The following SLC22A15 variants were observed in gnomAD, a reference collection of about 807,000 sequenced individuals.
SLC22A15 encodes solute carrier family 22 member 15.
In SLC22A15, 45 loss-of-function variants were observed where a neutral mutation model predicts 62.7. That is an observed-to-expected ratio of 0.72 (90% confidence interval 0.56 to 0.92). The LOEUF is 0.92. SLC22A15 is among the 40% of genes least tolerant of loss of function. The probability of loss-of-function intolerance (pLI) is 0.00; values close to 1 mark genes in which losing one functional copy is unlikely to be tolerated. For synonymous variants in SLC22A15, 264 were observed against 267.0 expected (o/e 0.99, Z 0.11); for missense variants, 622 against 665.6 (o/e 0.93, Z 0.72).
chr1:116,001,822 A>T (rs1232087118), intron 2 of SLC22A15, among the ~76,000 whole-genome samples: 1 of 152,074 alleles, frequency 6.6e-6, no homozygotes, highest in Non-Finnish European at 1.5e-5. Flanking sequence ...GTCACTCCAG[A>T]ATTGGTCACT....
intron 8 of SLC22A15, among the ~76,000 whole-genome samples, chr1:116,051,225 T>C (rs79329087): frequency 3.9e-5 from 6 of 152,136 alleles, no homozygotes; most frequent in Admixed American, 3.9e-4. Context: ...CTAAAATTCA[T>C]ATGGAACCAA....
At chr1:115,987,792 T>C (rs548959724) in intron 1 of SLC22A15, among the ~76,000 whole-genome samples, 8 of 152,294 alleles carry the variant, frequency 5.3e-5, no homozygotes, top group Admixed American at 5.2e-4. Context: ...CAAAGTTAAG[T>C]GGTTCTCGTT....
chr1:116,006,571 C>A (rs565716173), intron 2 of SLC22A15, among the ~76,000 whole-genome samples: 1 of 152,260 alleles, frequency 6.6e-6, no homozygotes, highest in African/African-American at 2.4e-5. Context: ...CTTCCTGTTA[C>A]CTAAATCTTA....
chr1:116,014,598 A>G (rs1024200708), intron 2 of SLC22A15, among the ~76,000 whole-genome samples: 4 of 152,200 alleles, frequency 2.6e-5, no homozygotes, highest in African/African-American at 9.7e-5. Flanking sequence ...TGATTTTTCA[A>G]TTTGAAGTAC....
At chr1:116,060,142 G>A (rs1421935372) in intron 8 of SLC22A15, among the ~76,000 whole-genome samples, 1 of 152,210 alleles carries the variant, frequency 6.6e-6, no homozygotes, top group African/African-American at 2.4e-5. Context: ...GTATTTGCCA[G>A]GACAAACAGC....
chr1:116,033,928 A>G (rs1657536654), intron 6 of SLC22A15, among the ~76,000 whole-genome samples: 1 of 152,038 alleles, frequency 6.6e-6, no homozygotes, highest in African/African-American at 2.4e-5. Flanking sequence ...TGGACTACTA[A>G]CCACTCCAGC....
At chr1:116,062,372 G>C (rs1658405778) in intron 8 of SLC22A15, among the ~76,000 whole-genome samples, 1 of 152,170 alleles carries the variant, frequency 6.6e-6, no homozygotes, top group South Asian at 2.1e-4. Context: ...TTGTTGTGCA[G>C]ACCACTGTTT....
chr1:116,037,426 A>G (rs1657660275), intron 8 of SLC22A15, 38 bp downstream of exon 8: 11 of 1,400,968 alleles, frequency 7.9e-6, no homozygotes, highest in Non-Finnish European at 9.1e-6. Flanking sequence ...TTTGAACAGT[A>G]CTTTCATTAC....
chr1:116,036,529 T>G (rs1447245312), intron 7 of SLC22A15, among the ~76,000 whole-genome samples: 1 of 152,144 alleles, frequency 6.6e-6, no homozygotes, highest in African/African-American at 2.4e-5. Context: ...TCAGATCTAG[T>G]CTTTGCCATG....
In SLC22A15 at chr1:116,030,449, T is replaced by TA. The variant is rs950739494; in HGVS notation, c.729-907dup. 4.6e-3 allele frequency among the ~76,000 whole-genome samples: 688 copies of TA among 149,096 alleles called. 6 individuals carry two copies. The highest frequency in any genetic ancestry group is 0.015 in the African/African-American group (601 of 40,752). ...TAGGCAGATAATGTCAAATTAGATT[T>TA]AAAAAAAAAACAACCTTGATTTGTG... is the stretch of plus-strand genomic sequence containing the variant. On this transcript the variant is annotated intron_variant, in intron 5 of 11. Coordinates refer to ENST00000369503, the MANE Select transcript of SLC22A15 (RefSeq NM_018420.3).
Position 116,052,619 on chromosome 1 carries a change from C to T in SLC22A15, c.1172-10143C>T, listed in dbSNP as rs183580812. On this transcript the variant is annotated intron_variant, in intron 8 of 11. Coordinates refer to ENST00000369503, the MANE Select transcript of SLC22A15 (RefSeq NM_018420.3). ...ACTGCCTCTTCAAGTGGGTCCCTGA[C>T]CCCTGACCCCCGAGCAGCCTAACTG... Among the ~76,000 whole-genome samples, 202 of 152,322 alleles carry T rather than the reference C, an allele frequency of 1.3e-3. 2 individuals carry two copies. The highest frequency in any genetic ancestry group is 4.7e-3 in the African/African-American group (194 of 41,566).
At chr1:116,033,096 C>T (rs1040319089) in intron 6 of SLC22A15, among the ~76,000 whole-genome samples, 1 of 152,122 alleles carries the variant, frequency 6.6e-6, no homozygotes, top group African/African-American at 2.4e-5. Flanking sequence ...ACAGTCACTC[C>T]ACATATTGCC....
chr1:116,016,225 G>A (rs1463267390), intron 2 of SLC22A15, among the ~76,000 whole-genome samples: 6 of 146,422 alleles, frequency 4.1e-5, no homozygotes, highest in Admixed American at 2.7e-4. Context: ...CTTTTGACAG[G>A]GTCTCACTCT....
intron 8 of SLC22A15, among the ~76,000 whole-genome samples, chr1:116,060,805 T>C (rs1219325352): frequency 2.6e-5 from 4 of 152,196 alleles, no homozygotes; most frequent in African/African-American, 7.2e-5. Flanking sequence ...CAGAAGCACC[T>C]TGTGGCTTAA....
At chr1:116,059,349 A>G (rs148111591) in intron 8 of SLC22A15, among the ~76,000 whole-genome samples, 151 of 152,356 alleles carry the variant, frequency 9.9e-4, no homozygotes, top group African/African-American at 3.4e-3. Context: ...AGATCCACAC[A>G]AAGACTTTGA....
intron 8 of SLC22A15, among the ~76,000 whole-genome samples, chr1:116,057,754 G>T (rs895154948): frequency 2.0e-5 from 3 of 152,154 alleles, no homozygotes; most frequent in African/African-American, 7.2e-5. Flanking sequence ...CATGTCCTTT[G>T]TAGGGACATG....
At chr1:116,055,175 AAAAG>A (rs1384102696) in intron 8 of SLC22A15, among the ~76,000 whole-genome samples, 1 of 151,048 alleles carries the variant, frequency 6.6e-6, no homozygotes, top group Non-Finnish European at 1.5e-5. Context: ...AATAAAGAAA[AAAAG>A]AGAGAAGAAT....
rs1174894895 is a variant in SLC22A15, at chr1:116,056,950, A to G, written c.1172-5812A>G. Among the ~76,000 whole-genome samples, 5 of 152,054 alleles carry G rather than the reference A, an allele frequency of 3.3e-5. 1 individual carries two copies. In the South Asian group the frequency reaches 6.2e-4, roughly 19 times the overall value. The stretch of plus-strand genomic sequence containing the variant: ...AAACGTTAGACCTAAAACCATAAAA[A>G]CGCTAGAAGAAAACCTAGGCATTAC... On this transcript the variant is annotated intron_variant, in intron 8 of 11. Transcript: ENST00000369503.
chr1:115,990,496 C>T (rs1655092476), intron 1 of SLC22A15, among the ~76,000 whole-genome samples: 1 of 152,256 alleles, frequency 6.6e-6, no homozygotes, highest in Admixed American at 6.5e-5. Flanking sequence ...TCTATCTGTT[C>T]TTATAATTAG....
Sources: allele counts gnomAD v4.1 joint callset (sites outside exome capture counted in the v4.1 genomes callset), GRCh38; gene constraint gnomAD v4.1.1; transcripts MANE v1.5; gene names NCBI Gene and HGNC (gene_info 2026-07-23, HGNC 2026-07-21).